The following MMP17 variants were observed in gnomAD, a reference collection of about 807,000 sequenced individuals.
MMP17 encodes matrix metallopeptidase 17.
MMP17 carries 54 observed loss-of-function variants against 49.1 expected under a neutral mutation model. The observed-to-expected ratio is 1.10, with a 90% confidence interval of 0.88 to 1.38. The LOEUF (loss-of-function observed/expected upper bound fraction) is 1.38, where lower values mean the gene tolerates loss of function less well. MMP17 is among the 40% of genes most tolerant of loss of function. MMP17 has a pLI of 0.00. For missense variants in MMP17, 837 were observed against 853.7 expected (o/e 0.98, Z 0.24); for synonymous variants, 397 against 383.1 (o/e 1.04, Z -0.42).
At chr12:131,837,366 C>G (rs1461792783) in intron 1 of MMP17, among the ~76,000 whole-genome samples, 1 of 152,242 alleles carries the variant, frequency 6.6e-6, no homozygotes, top group East Asian at 1.9e-4. Context: ...CTCAAACGAT[C>G]CTCCCGCCTC....
rs999705130 is a variant in MMP17 at position 131,828,512 on chromosome 12, C to A, written c.18C>A (p.Ala6=). The A allele has an allele frequency of 3.0e-6, 3 of 994,174 alleles. No homozygotes were observed. The highest frequency in any genetic ancestry group is 4.5e-5 in the South Asian group (1 of 22,284). 61.6% of individuals were successfully genotyped at this position (994,174 alleles called of 1,614,324 possible). The change falls in exon 1 of 10, where the codon GCC becomes GCA. Residue 6 remains alanine (A), a synonymous_variant. Coordinates refer to ENST00000360564, the MANE Select transcript of MMP17 (RefSeq NM_016155.7). MRRRA[A]RGPGPPPPGP... is the part of the protein sequence containing the mutation. The stretch of plus-strand genomic sequence containing the variant: ...TGAGCGCCATGCGGCGCCGCGCAGC[C>A]CGGGGACCCGGCCCGCCGCCCCCAG...
chr12:131,830,532 C>T (rs370676786), intron 1 of MMP17, among the ~76,000 whole-genome samples: 3 of 152,354 alleles, frequency 2.0e-5, no homozygotes, highest in East Asian at 1.9e-4. Context: ...CTCGGGGAAC[C>T]GCGGGCCGAG....
rs779110456 is a variant in MMP17, at chr12:131,850,910, CCCT to C, written c.1463-10_1463-8del. 1.4e-5 allele frequency: 21 copies of C among 1,462,358 alleles called. No homozygotes were observed. The highest frequency in any genetic ancestry group is 1.8e-4 in the Middle Eastern group (1 of 5,454). 90.6% of individuals were successfully genotyped at this position (1,462,358 alleles called of 1,614,324 possible). A position where few individuals can be genotyped will look rare whatever the true frequency, so the allele number is the denominator to read the frequency against. On this transcript the variant is annotated splice_polypyrimidine_tract_variant and intron_variant, in intron 9 of 9. Coordinates refer to ENST00000360564, the MANE Select transcript of MMP17 (RefSeq NM_016155.7). ...GCAGCCCTCCCCTGAGCTCAGCTCT[CCCT>C]CCTCTTCTCAGGTGCCTCCTACTTC...
chr12:131,844,718 G>A, intron 6 of MMP17: 16 of 257,780 alleles, frequency 6.2e-5, no homozygotes, highest in Non-Finnish European at 1.1e-4. Context: ...CCTTGTCCCT[G>A]ACCTTCTGTC....
Position 131,844,061 on chromosome 12 carries a change from A to G in MMP17, c.948A>G (p.Pro316=). 6.4e-7 allele frequency: 1 copy of G among 1,565,876 alleles called. No individual in the cohort carries two copies. ...PEEPPLLPEP[P]DNRSSAPPRK... ...AGCCTCCCCTGCTGCCGGAGCCCCC[A>G]GACAACCGGTCCAGCGCCCCGTAAG... is the stretch of plus-strand genomic sequence containing the variant. Residue 316 remains proline, a synonymous_variant, in exon 6 of 10, where the codon CCA becomes CCG. Coordinates refer to ENST00000360564, the MANE Select transcript of MMP17 (RefSeq NM_016155.7).
chr12:131,849,869 CAGCCTCCCGCCTGGCGG>C lies in MMP17; in HGVS notation c.1273_1289del (p.Ser425HisfsTer11), dbSNP rs761126906. 6.2e-6 allele frequency: 10 copies of C among 1,613,950 alleles called. No individual in the cohort carries two copies. The South Asian group carries it at 1.1e-4, about 18-fold the overall frequency. On this transcript the variant is annotated frameshift_variant, in exon 9 of 10. Transcript: ENST00000360564. LOFTEE classifies it high-confidence loss of function. ...GATACCCGCGCCCCGTCTCCGACTT[CAGCCTCCCGCCTGGCGG>C]CATCGACGCTGCCTTCTCCTGGGCC... is the stretch of plus-strand genomic sequence containing the variant.
chr12:131,847,103 C>G (rs1351131278), intron 8 of MMP17, among the ~76,000 whole-genome samples: 2 of 133,364 alleles, frequency 1.5e-5, no homozygotes, highest in South Asian at 5.3e-4. Context: ...AGAGCAAGAC[C>G]TTGTCTAAAA....
Position 131,850,066 on chromosome 12 carries a change from G to A in MMP17, c.1462+7G>A. 1 of 1,603,588 alleles carries A rather than the reference G, an allele frequency of 6.2e-7. No individual in the cohort carries two copies. The highest frequency in any genetic ancestry group is 8.5e-7 in the Non-Finnish European group (1 of 1,174,538). On this transcript the variant is annotated splice_region_variant and intron_variant, in intron 9 of 9. Coordinates refer to ENST00000360564, the MANE Select transcript of MMP17 (RefSeq NM_016155.7). ...GCCATGCGCTGGTCCGACGGTGAGT[G>A]CCAGCTGGGGGGACGGGCCATGCGG...
At chr12:131,838,372 G>T (rs1887193681) in intron 2 of MMP17, 45 bp downstream of exon 2, 2 of 1,597,404 alleles carry the variant, frequency 1.3e-6, no homozygotes, top group East Asian at 4.5e-5. Context: ...CCCCCGTCAG[G>T]TCTGCGCCCG....
At chr12:131,831,045 C>A (rs900210013) in intron 1 of MMP17, among the ~76,000 whole-genome samples, 1 of 152,216 alleles carries the variant, frequency 6.6e-6, no homozygotes, top group African/African-American at 2.4e-5. Flanking sequence ...TATTTTTGCA[C>A]GGTGGCACCG....
intron 6 of MMP17, chr12:131,844,830 C>T (rs370023300): frequency 1.2e-5 from 5 of 426,800 alleles, no homozygotes; most frequent in South Asian, 1.0e-4. Flanking sequence ...GTGTTTGGCA[C>T]CCAGCCAGGC....
chr12:131,841,264 C>T (rs547724017), intron 4 of MMP17, among the ~76,000 whole-genome samples: 1 of 152,328 alleles, frequency 6.6e-6, no homozygotes, highest in East Asian at 1.9e-4. Flanking sequence ...AGCCCAGGCC[C>T]GTCTTGTGGG....
chr12:131,836,476 CTTT>C (rs35237414), intron 1 of MMP17, among the ~76,000 whole-genome samples: 1 of 142,348 alleles, frequency 7.0e-6, no homozygotes, highest in African/African-American at 2.6e-5. Context: ...TTTCTTTTTC[CTTT>C]TTTTTTTTTT....
At chr12:131,842,889 C>T (rs977336082) in intron 5 of MMP17, among the ~76,000 whole-genome samples, 5 of 152,208 alleles carry the variant, frequency 3.3e-5, no homozygotes, top group Non-Finnish European at 7.3e-5. Flanking sequence ...TCATCACCCA[C>T]TACCACCGAA....
At chr12:131,830,707 C>G (rs1031626415) in intron 1 of MMP17, among the ~76,000 whole-genome samples, 8 of 152,176 alleles carry the variant, frequency 5.3e-5, no homozygotes, top group Non-Finnish European at 1.2e-4. Flanking sequence ...TGTCTCAGAG[C>G]TGCAGACAGA....
chr12:131,836,608 A>T (rs368555236), intron 1 of MMP17, among the ~76,000 whole-genome samples: 6 of 151,096 alleles, frequency 4.0e-5, no homozygotes, highest in East Asian at 3.9e-4. Flanking sequence ...CTTTCATATG[A>T]TTTGGCCAAT....
At chr12:131,835,415 C>T (rs1481451779) in intron 1 of MMP17, among the ~76,000 whole-genome samples, 4 of 152,232 alleles carry the variant, frequency 2.6e-5, no homozygotes, top group East Asian at 3.9e-4. Context: ...ATTCCACAGC[C>T]ACTGGGAGTG....
rs1887592328 is a variant in MMP17 at position 131,844,515 on chromosome 12, C to T, written c.968+434C>T. On this transcript the variant is annotated intron_variant, in intron 6 of 9. Coordinates refer to ENST00000360564, the MANE Select transcript of MMP17 (RefSeq NM_016155.7). ...TGGGACGGCCACTGGGGCTGCTCCA[C>T]GAGGCATGACCCTCCCACAGCAACT... is the stretch of plus-strand genomic sequence containing the variant. The T allele has an allele frequency of 4.7e-5, 12 of 253,532 alleles. No individual in the cohort carries two copies. The South Asian group carries it at 5.1e-4, about 11-fold the overall frequency. The allele number at this position is 253,532 out of a possible 1,614,324, so 15.7% of individuals were successfully genotyped here.
At chr12:131,837,436 T>C (rs1887137719) in intron 1 of MMP17, among the ~76,000 whole-genome samples, 1 of 152,094 alleles carries the variant, frequency 6.6e-6, no homozygotes, top group African/African-American at 2.4e-5. Context: ...GCCTGGGCTC[T>C]TATCTCCCCC....
Sources: allele counts gnomAD v4.1 joint callset (sites outside exome capture counted in the v4.1 genomes callset), GRCh38; gene constraint gnomAD v4.1.1; transcripts MANE v1.5; gene names NCBI Gene and HGNC (gene_info 2026-07-23, HGNC 2026-07-21).